Variants in OTOGL observed in about 807,000 individuals in gnomAD.
OTOGL encodes the protein otogelin like, also known as otogelin-like protein.
In OTOGL, 285 loss-of-function variants were observed where a neutral mutation model predicts 318.5. The ratio of observed to expected loss-of-function variants is 0.89; its 90% CI spans 0.81 to 0.99. OTOGL has a LOEUF of 0.99. OTOGL is among the 50% of genes least tolerant of loss of function. The probability of loss-of-function intolerance (pLI) is 0.00; values close to 1 mark genes in which losing one functional copy is unlikely to be tolerated. For synonymous variants in OTOGL, 987 were observed against 936.5 expected (o/e 1.05, Z -0.99); for missense variants, 2,899 against 2,845.6 (o/e 1.02, Z -0.43).
chr12:80,176,615 A>T (rs1874547547), intron 1 of OTOGL, among the ~76,000 whole-genome samples: 1 of 152,030 alleles, frequency 6.6e-6, no homozygotes, highest in South Asian at 2.1e-4. Flanking sequence ...CATTGTATGG[A>T]TATACTTCAA....
rs538257738 is a variant in OTOGL at position 80,165,722 on chromosome 12, C to CCTACAG, written c.-19-43676_-19-43671dup. Among the ~76,000 whole-genome samples the CCTACAG allele has an allele frequency of 1.6e-4, 25 of 152,346 alleles. No homozygotes were observed. In the South Asian group the frequency reaches 4.6e-3, roughly 28 times the overall value. On this transcript the variant is annotated intron_variant, in intron 1 of 58. Transcript: ENST00000547103. ...GATCCCATCCAGCACCCAGACCTTT[C>CCTACAG]CTACAGCTACAGCTACAGCTGCCCT...
intron 1 of OTOGL, among the ~76,000 whole-genome samples, chr12:80,148,816 G>A (rs1311978229): frequency 1.3e-5 from 2 of 151,978 alleles, no homozygotes; most frequent in South Asian, 2.1e-4. Flanking sequence ...ATCTTCTGTT[G>A]CTGATACCCT....
chr12:80,359,916 A>G (rs375465566), intron 52 of OTOGL, among the ~76,000 whole-genome samples: 2 of 152,236 alleles, frequency 1.3e-5, no homozygotes, highest in African/African-American at 2.4e-5. Flanking sequence ...AGCTCATTTT[A>G]TAAGTGAGAA....
At chr12:80,142,264 A>G (rs1338268485) in intron 1 of OTOGL, among the ~76,000 whole-genome samples, 1 of 152,164 alleles carries the variant, frequency 6.6e-6, no homozygotes, top group Non-Finnish European at 1.5e-5. Flanking sequence ...TTGACAGCAC[A>G]TCCCAATTTG....
chr12:80,252,202 G>C lies in OTOGL; in HGVS notation c.1285+1G>C, dbSNP rs762321986. ...CTTGATGGATGTTACTGCCCAGATG[G>C]TAAGTGCTTCATGAAGAAACCATGT... On this transcript the variant is annotated splice_donor_variant, in intron 13 of 58. Transcript: ENST00000547103. LOFTEE classifies it high-confidence loss of function. The C allele has an allele frequency of 2.2e-5, 35 of 1,597,816 alleles. 2 individuals carry two copies. The South Asian group carries it at 3.6e-4, about 17-fold the overall frequency.
At chr12:80,143,111 T>C (rs1029237427) in intron 1 of OTOGL, among the ~76,000 whole-genome samples, 8 of 152,132 alleles carry the variant, frequency 5.3e-5, no homozygotes, top group Non-Finnish European at 8.8e-5. Flanking sequence ...AAACCTATCA[T>C]GAATTGACAT....
chr12:80,233,964 A>T (rs368862455), intron 9 of OTOGL, among the ~76,000 whole-genome samples: 1 of 1,188 alleles, frequency 8.4e-4, no homozygotes, highest in Non-Finnish European at 4.5e-3. Context: ...TATTTATAAC[A>T]ATAGTTTGAG....
chr12:80,110,990 C>G (rs1440629258), intron 1 of OTOGL, among the ~76,000 whole-genome samples: 1 of 152,222 alleles, frequency 6.6e-6, no homozygotes, highest in Non-Finnish European at 1.5e-5. Flanking sequence ...TTACATTTCT[C>G]TAATGACCAG....
At chr12:80,235,732 G>A (rs571069757) in intron 9 of OTOGL, among the ~76,000 whole-genome samples, 2 of 152,276 alleles carry the variant, frequency 1.3e-5, no homozygotes, top group East Asian at 3.9e-4. Flanking sequence ...CAATTGAACG[G>A]AATTATAGCT....
chr12:80,305,243 T>G (rs746842182), intron 28 of OTOGL, among the ~76,000 whole-genome samples: 2 of 152,206 alleles, frequency 1.3e-5, no homozygotes, highest in Non-Finnish European at 2.9e-5. Context: ...ACATATACAT[T>G]TGCATACACA....
At chr12:80,343,072 C>G (rs1888886187) in intron 44 of OTOGL, among the ~76,000 whole-genome samples, 1 of 152,052 alleles carries the variant, frequency 6.6e-6, no homozygotes, top group Admixed American at 6.5e-5. Flanking sequence ...GGCGGGATTT[C>G]ACCGTGTTAG....
At chr12:80,125,510 GTGTCTC>G (rs1377689304) in intron 1 of OTOGL, among the ~76,000 whole-genome samples, 1 of 152,038 alleles carries the variant, frequency 6.6e-6, no homozygotes, top group South Asian at 2.1e-4. Flanking sequence ...TTTTTTGATT[GTGTCTC>G]TGCCAGGCTT....
chr12:80,254,808 TATC>T (rs1881884354), intron 15 of OTOGL, among the ~76,000 whole-genome samples: 1 of 152,128 alleles, frequency 6.6e-6, no homozygotes, highest in East Asian at 1.9e-4. Flanking sequence ...GTGGAATAAA[TATC>T]ATTTTATAAA....
chr12:80,241,984 G>C (rs1016150282), intron 11 of OTOGL, among the ~76,000 whole-genome samples: 4 of 152,174 alleles, frequency 2.6e-5, no homozygotes, highest in African/African-American at 9.6e-5. Context: ...TGATCTGGAA[G>C]TTTCATGCAT....
chr12:80,157,413 A>C lies in OTOGL; in HGVS notation c.-19-52000A>C, dbSNP rs189523581. The stretch of plus-strand genomic sequence containing the variant: ...GTGTTGTCTCTTCACTTTGCTGTGC[A>C]GAAGCTTTTTAACTCGAGATGATCC... On this transcript the variant is annotated intron_variant, in intron 1 of 58. Coordinates refer to ENST00000547103, the MANE Select transcript of OTOGL (RefSeq NM_001378609.3). Among the ~76,000 whole-genome samples the C allele has an allele frequency of 4.2e-3, 632 of 152,052 alleles. 2 individuals carry two copies. The highest frequency in any genetic ancestry group is 0.014 in the Middle Eastern group (4 of 294).
chr12:80,147,831 A>G (rs1872506116), intron 1 of OTOGL, among the ~76,000 whole-genome samples: 1 of 152,010 alleles, frequency 6.6e-6, no homozygotes, highest in Admixed American at 6.6e-5. Flanking sequence ...GTCTCTTTTG[A>G]TCTTTATTGG....
chr12:80,244,052 A>C (rs1880629308), intron 11 of OTOGL, among the ~76,000 whole-genome samples: 1 of 151,380 alleles, frequency 6.6e-6, no homozygotes, highest in Non-Finnish European at 1.5e-5. Context: ...TCTTGGCTAA[A>C]ACCACAACAT....
chr12:80,344,081 A>G (rs184107192), intron 44 of OTOGL, among the ~76,000 whole-genome samples: 5 of 152,212 alleles, frequency 3.3e-5, no homozygotes, highest in Admixed American at 6.5e-5. Flanking sequence ...TAAAAATGAC[A>G]TATCTTTGTG....
intron 26 of OTOGL, among the ~76,000 whole-genome samples, chr12:80,295,563 T>G (rs1885337972): frequency 6.6e-6 from 1 of 152,148 alleles, no homozygotes; most frequent in South Asian, 2.1e-4. Context: ...ATTCAGGAAG[T>G]GTGTGTGGGC....
Sources: allele counts gnomAD v4.1 joint callset (sites outside exome capture counted in the v4.1 genomes callset), GRCh38; gene constraint gnomAD v4.1.1; transcripts MANE v1.5; gene names NCBI Gene and HGNC (gene_info 2026-07-23, HGNC 2026-07-21).